Variants in PTPN20 observed in about 807,000 individuals in gnomAD.
PTPN20 encodes the protein protein tyrosine phosphatase non-receptor type 20, also known as tyrosine-protein phosphatase non-receptor type 20.
PTPN20 carries 9 observed loss-of-function variants against 35.0 expected under a neutral mutation model. The ratio of observed to expected loss-of-function variants is 0.26; its 90% CI spans 0.15 to 0.45. PTPN20 has a LOEUF of 0.45. PTPN20 is among the 20% of genes least tolerant of loss of function. PTPN20 has a pLI of 1.00. For synonymous variants in PTPN20, 32 were observed against 100.2 expected (o/e 0.32, Z 4.06); for missense variants, 111 against 312.5 (o/e 0.36, Z 4.86).
intron 9 of PTPN20, among the ~76,000 whole-genome samples, chr10:46,989,024 GATAT>G (rs1356137098): frequency 8.1e-6 from 1 of 123,194 alleles, no homozygotes; most frequent in Non-Finnish European, 1.7e-5. Flanking sequence ...AGTTTTGGGG[GATAT>G]ATATATATAT....
intron 1 of PTPN20, among the ~76,000 whole-genome samples, chr10:46,920,649 G>A (rs2034860564): frequency 8.1e-6 from 1 of 123,158 alleles, no homozygotes; most frequent in Non-Finnish European, 1.6e-5. Flanking sequence ...AGCAGGGTTA[G>A]GCAGGTCTGG....
Position 47,001,623 on chromosome 10 carries a change from T to C in PTPN20, c.*882T>C, listed in dbSNP as rs1029466209. 1 of 152,184 alleles carries C rather than the reference T, an allele frequency of 6.6e-6. No individual in the cohort carries two copies. The highest frequency in any genetic ancestry group is 1.5e-5 in the Non-Finnish European group (1 of 68,010). The allele number at this position is 152,184 out of a possible 1,614,324, so 9.4% of individuals were successfully genotyped here. A position where few individuals can be genotyped will look rare whatever the true frequency, so the allele number is the denominator to read the frequency against. On this transcript the variant is annotated 3_prime_UTR_variant, in exon 11 of 11. Coordinates refer to ENST00000374339, the MANE Select transcript of PTPN20 (RefSeq NM_001042357.5). ...TCTGAGTCATTCATGGTATCTCTCA[T>C]GTTTGATGTATTTTTCAAACTAAGA...
chr10:46,940,468 A>G (rs1334830282), intron 2 of PTPN20, 155 bp from the exon 3 acceptor site: 7 of 713,416 alleles, frequency 9.8e-6, no homozygotes, highest in African/African-American at 9.3e-5. Flanking sequence ...GGAGAAAGAG[A>G]TGATTACCAT....
intron 2 of PTPN20, among the ~76,000 whole-genome samples, chr10:46,935,809 T>A (rs1352182372): frequency 8.4e-4 from 128 of 152,358 alleles, no homozygotes; most frequent in African/African-American, 2.9e-3. Flanking sequence ...TTATATCCCT[T>A]CATATAGCCA....
chr10:46,930,361 G>A (rs1489794601), intron 1 of PTPN20, among the ~76,000 whole-genome samples: 2 of 150,076 alleles, frequency 1.3e-5, no homozygotes, highest in African/African-American at 5.0e-5. Flanking sequence ...TTATCAAGGA[G>A]TGTCTTGAAA....
At chr10:46,983,058 T>TA in intron 7 of PTPN20, among the ~76,000 whole-genome samples, 1 of 146,524 alleles carries the variant, frequency 6.8e-6, no homozygotes, top group East Asian at 2.0e-4. Flanking sequence ...TATCTTTATA[T>TA]ATCTAGCTTT....
chr10:46,937,903 ATTTTTTCTTTTTCTTTTCTTTTTTTCTTC>A (rs2042191799), intron 2 of PTPN20, among the ~76,000 whole-genome samples: 1 of 125,520 alleles, frequency 8.0e-6, no homozygotes, highest in Non-Finnish European at 1.7e-5. Context: ...TTGGTGCTGG[ATTTTTTCTTTTTCTTTTCTTTTTTTCTTC>A]TTTTTTCTTT....
chr10:46,926,737 G>C (rs1286357025), intron 1 of PTPN20, among the ~76,000 whole-genome samples: 1 of 151,674 alleles, frequency 6.6e-6, no homozygotes, highest in African/African-American at 2.4e-5. Flanking sequence ...AAATCAACAA[G>C]GGATATCAGA....
At chr10:46,958,810 T>C (rs1419007115) in intron 5 of PTPN20, among the ~76,000 whole-genome samples, 7 of 149,674 alleles carry the variant, frequency 4.7e-5, no homozygotes, top group African/African-American at 1.5e-4. Flanking sequence ...TTTAAAATTA[T>C]GTCGTTCAAT....
intron 7 of PTPN20, among the ~76,000 whole-genome samples, chr10:46,970,600 G>C (rs2051798987): frequency 6.6e-6 from 1 of 150,946 alleles, no homozygotes; most frequent in African/African-American, 2.4e-5. Context: ...TGGAGTTATA[G>C]AAGAACTAGC....
chr10:46,936,603 A>G (rs1427448048), intron 2 of PTPN20, among the ~76,000 whole-genome samples: 3 of 150,656 alleles, frequency 2.0e-5, no homozygotes, highest in Admixed American at 6.7e-5. Flanking sequence ...TTTGTGGTTT[A>G]TGGGAGGAGG....
At chr10:46,951,092 A>T (rs1262640861) in intron 5 of PTPN20, among the ~76,000 whole-genome samples, 2 of 151,506 alleles carry the variant, frequency 1.3e-5, no homozygotes, top group Non-Finnish European at 2.9e-5. Context: ...GTCAAAGTTT[A>T]TGTTCGTTTT....
chr10:46,947,935 A>C (rs1433541557), intron 5 of PTPN20: 2 of 452,986 alleles, frequency 4.4e-6, no homozygotes, highest in Non-Finnish European at 4.4e-6. Context: ...TTGTGTAAAC[A>C]TAAGTTTCCA....
At chr10:46,984,161 C>A (rs2056366090) in intron 7 of PTPN20, 69 bp from the exon 8 acceptor site, 6 of 1,173,536 alleles carry the variant, frequency 5.1e-6, no homozygotes, top group Non-Finnish European at 6.4e-6. Context: ...TGTGTGAAAT[C>A]CTTTCGTGAA....
chr10:46,948,902 A>G (rs2045821489), intron 5 of PTPN20, among the ~76,000 whole-genome samples: 1 of 148,742 alleles, frequency 6.7e-6, no homozygotes, highest in African/African-American at 2.5e-5. Flanking sequence ...ACCTTTGGCA[A>G]GTCTACAGTG....
Position 46,999,908 on chromosome 10 carries a change from A to G in PTPN20, c.1135-4A>G. 4 of 1,613,716 alleles carry G rather than the reference A, an allele frequency of 2.5e-6. No individual in the cohort carries two copies. Among genetic ancestry groups the G allele is most frequent in the Non-Finnish European group, 3.4e-6 (4 of 1,179,700 alleles). On this transcript the variant is annotated splice_region_variant and splice_polypyrimidine_tract_variant and intron_variant, in intron 9 of 10. Coordinates refer to ENST00000374339, the MANE Select transcript of PTPN20 (RefSeq NM_001042357.5). ...CATACAAAATTACTGTCATCTTATT[A>G]CAGTTCAACATCATGGATATAGTGG...
chr10:47,002,837 C>T (rs2060130883), downstream of PTPN20, among the ~76,000 whole-genome samples: 1 of 151,762 alleles, frequency 6.6e-6, no homozygotes, highest in African/African-American at 2.4e-5. Flanking sequence ...GACCTTTTAC[C>T]CCCAATCTCC....
At chr10:47,003,100 A>T (rs1166545237), downstream of PTPN20, among the ~76,000 whole-genome samples, 3 of 152,040 alleles carry the variant, frequency 2.0e-5, no homozygotes, top group Non-Finnish European at 4.4e-5. Flanking sequence ...ATTGGTATTC[A>T]ATGGGGGTGA....
At chr10:46,927,561 C>A (rs1210561437) in intron 1 of PTPN20, among the ~76,000 whole-genome samples, 12 of 150,182 alleles carry the variant, frequency 8.0e-5, no homozygotes, top group Non-Finnish European at 1.5e-4. Context: ...TTCAGACCCC[C>A]CTTTCCTTCT....
Sources: allele counts gnomAD v4.1 joint callset (sites outside exome capture counted in the v4.1 genomes callset), GRCh38; gene constraint gnomAD v4.1.1; transcripts MANE v1.5; gene names NCBI Gene and HGNC (gene_info 2026-07-23, HGNC 2026-07-21).